Variants in BCL6 observed in about 807,000 individuals in gnomAD.
BCL6 encodes BCL6 transcription repressor, also known as B-cell lymphoma 6 protein.
Under a neutral mutation model 59.5 loss-of-function variants are expected in BCL6, and 7 were observed. The ratio of observed to expected loss-of-function variants is 0.12; its 90% CI spans 0.07 to 0.22. The LOEUF is 0.22. Ranked by LOEUF, BCL6 falls within the 10% of genes least tolerant of loss-of-function variation. BCL6 has a pLI of 1.00. For synonymous variants in BCL6, 339 were observed against 349.7 expected (o/e 0.97, Z 0.34); for missense variants, 685 against 939.4 (o/e 0.73, Z 3.54).
intron 5 of BCL6, 135 bp from the exon 6 acceptor site, chr3:187,728,679 C>G (rs1579810173): frequency 1.1e-6 from 1 of 873,796 alleles, no homozygotes; most frequent in East Asian, 2.8e-5. Context: ...GAGTTGTCCT[C>G]AAGTTTATCT....
At chr3:187,737,488 G>A in intron 1 of BCL6, 1 of 152,458 alleles carries the variant, frequency 6.6e-6, no homozygotes. Flanking sequence ...CCCTGGGCTG[G>A]CACCAGAAAG....
chr3:187,744,966 C>G (rs1158137869), intron 1 of BCL6, among the ~76,000 whole-genome samples: 3 of 152,162 alleles, frequency 2.0e-5, no homozygotes, highest in South Asian at 4.2e-4. Context: ...CCCAGACTAG[C>G]CCGAATCACC....
At chr3:187,730,790 T>C (rs1222516203) in intron 4 of BCL6, among the ~76,000 whole-genome samples, 2 of 152,184 alleles carry the variant, frequency 1.3e-5, no homozygotes, top group African/African-American at 4.8e-5. Context: ...TGAAGGAACA[T>C]CATGTGGGTG....
intron 1 of BCL6, among the ~76,000 whole-genome samples, chr3:187,742,832 C>A (rs979072006): frequency 9.9e-5 from 15 of 152,084 alleles, no homozygotes; most frequent in African/African-American, 3.6e-4. Flanking sequence ...TATTTTAAAG[C>A]AAGAATGTGA....
At position 187,722,414 on chromosome 3, in the gene BCL6, A is replaced by G. The variant is rs751275667; in HGVS notation, c.*44T>C. 1 of 1,559,224 alleles carries G rather than the reference A, an allele frequency of 6.4e-7. No individual in the cohort carries two copies. The highest frequency in any genetic ancestry group is 8.7e-7 in the Non-Finnish European group (1 of 1,148,354). On this transcript the variant is annotated 3_prime_UTR_variant, in exon 10 of 10. Coordinates refer to ENST00000406870, the MANE Select transcript of BCL6 (RefSeq NM_001706.5). ...AAGTGTTACAGTATCCTTTGGGTAG[A>G]TTCTGAGAAGGGGCTGGAGACGAAA...
At position 187,725,383 on chromosome 3, in the gene BCL6, C is replaced by T; in HGVS notation, c.1839+116G>A. On this transcript the variant is annotated intron_variant, in intron 8 of 9. Transcript: ENST00000406870. This position sits in a 1 kb window ranked among gnomAD's most constrained non-coding sequence, Gnocchi z 4.7. ...TGCCCGCTCTGCTCACCTGCCCGCT[C>T]CGCTTGCCTGCCCGCTCCACTTGCC... is the stretch of plus-strand genomic sequence containing the variant. 1.9e-6 allele frequency: 3 copies of T among 1,544,790 alleles called. No individual in the cohort carries two copies. The South Asian group carries it at 3.7e-5, about 19-fold the overall frequency.
chr3:187,740,073 G>C (rs1480889056), intron 1 of BCL6, among the ~76,000 whole-genome samples: 2 of 152,194 alleles, frequency 1.3e-5, no homozygotes, highest in Admixed American at 1.3e-4. Flanking sequence ...GGGGGCGACG[G>C]CGCTGTCTCC....
intron 1 of BCL6, among the ~76,000 whole-genome samples, chr3:187,739,289 G>T (rs1422316195): frequency 6.6e-6 from 1 of 152,252 alleles, no homozygotes; most frequent in African/African-American, 2.4e-5. Context: ...CGCATCAGGG[G>T]CCCTGCCGTG....
chr3:187,722,338 G>C lies in BCL6; in HGVS notation c.*120C>G. On this transcript the variant is annotated 3_prime_UTR_variant, in exon 10 of 10. Transcript: ENST00000406870. ...CCCACCACCCCCAACCCCCAGCTAT[G>C]ATTTGCACTAGTGGATGAAAGAGGC... 2.9e-6 allele frequency: 1 copy of C among 348,330 alleles called. No individual in the cohort carries two copies. Among genetic ancestry groups the C allele is most frequent in the Non-Finnish European group, 4.0e-6 (1 of 251,450 alleles). 21.6% of individuals were successfully genotyped at this position (348,330 alleles called of 1,614,324 possible).
In BCL6 at chr3:187,731,811, C is replaced by A; in HGVS notation, c.281G>T (p.Arg94Leu). 3.7e-6 allele frequency: 6 copies of A among 1,614,080 alleles called. No individual in the cohort carries two copies. The highest frequency in any genetic ancestry group is 5.1e-6 in the Non-Finnish European group (6 of 1,180,028). ...GATGTTGCCCTCCCGCAAATTGAGC[C>A]GAGATGTGTACATGAAGTCCAGGAG... is the stretch of plus-strand genomic sequence containing the variant. Reference protein sequence around the residue: ...CILLDFMYTSRLNLREGNIMA... With the variant: ...CILLDFMYTSLLNLREGNIMA... The change falls in exon 4 of 10, where the codon CGG becomes CTG. Residue 94 changes from arginine to leucine, a missense_variant. Physicochemically the swap from Arg to Leu is moderately radical, Grantham distance 102 (BLOSUM62 -2). Around this residue, in one of 7 missense-constraint regions of BCL6, gnomAD observed 102 missense variants for 176.6 expected, o/e 0.58. Transcript: ENST00000406870.
chr3:187,722,965 C>T (rs1385348552), intron 9 of BCL6, among the ~76,000 whole-genome samples: 2 of 152,192 alleles, frequency 1.3e-5, no homozygotes, highest in Non-Finnish European at 2.9e-5. Flanking sequence ...TTCCTTTGAG[C>T]CTCTGTAAGA....
rs1296189095 is a variant in BCL6 at position 187,729,466 on chromosome 3, G to C, written c.939C>G (p.Ala313=). Residue 313 remains alanine (A), a synonymous_variant, in exon 5 of 10, where the codon GCC becomes GCG. Coordinates refer to ENST00000406870, the MANE Select transcript of BCL6 (RefSeq NM_001706.5). The surrounding 1 kb of genome is among the most constrained non-coding windows in gnomAD (Gnocchi z 5.6). The part of the protein sequence containing the change: ...EERPSSEDEI[A]LHFEPPNAPL... ...GTGCATTGGGGGGCTCGAAATGCAG[G>C]GCAATCTCATCTTCCGAGGAGGGTC... 6.2e-7 allele frequency: 1 copy of C among 1,611,080 alleles called. No individual in the cohort carries two copies.
At chr3:187,744,991 T>G (rs1212899047) in intron 1 of BCL6, among the ~76,000 whole-genome samples, 1 of 151,436 alleles carries the variant, frequency 6.6e-6, no homozygotes, top group East Asian at 1.9e-4. Context: ...AAGCACTGTC[T>G]CGTCCTCTCT....
chr3:187,745,209 C>T (rs147187614), intron 1 of BCL6, among the ~76,000 whole-genome samples: 29 of 151,720 alleles, frequency 1.9e-4, no homozygotes, highest in South Asian at 8.3e-4. Context: ...CACCTGACAG[C>T]TAGAATAAAT....
At position 187,726,906 on chromosome 3, in the gene BCL6, A is replaced by G; in HGVS notation, c.1541-8T>C. 6.2e-7 allele frequency: 1 copy of G among 1,613,870 alleles called. No homozygotes were observed. Among genetic ancestry groups the G allele is most frequent in the Non-Finnish European group, 8.5e-7 (1 of 1,179,882 alleles). ...AGAAGAAGGCCCCGTTCTCTGTTGG[A>G]GGGTGGTAGGGGGACACCAAAGTCA... On this transcript the variant is annotated splice_polypyrimidine_tract_variant and splice_region_variant and intron_variant, in intron 6 of 9. Transcript: ENST00000406870.
chr3:187,735,732 C>T (rs950361043), intron 1 of BCL6, among the ~76,000 whole-genome samples: 4 of 152,198 alleles, frequency 2.6e-5, no homozygotes, highest in East Asian at 1.9e-4. Flanking sequence ...CCTTCCAAAC[C>T]GGCTTCTCTA....
intron 1 of BCL6, among the ~76,000 whole-genome samples, chr3:187,738,273 G>A (rs1258456834): frequency 1.3e-5 from 2 of 152,104 alleles, no homozygotes; most frequent in Non-Finnish European, 2.9e-5. Flanking sequence ...CGTTCTTTTA[G>A]GGGAATGTTT....
chr3:187,725,761 G>C lies in BCL6; in HGVS notation c.1709-132C>G. ...TGTGTTTTCCTTTCCCTTAGGGAAT[G>C]TGAGAGAGAGAATCCAGGGGCCTGC... On this transcript the variant is annotated intron_variant, in intron 7 of 9. Coordinates refer to ENST00000406870, the MANE Select transcript of BCL6 (RefSeq NM_001706.5). This position sits in a 1 kb window ranked among gnomAD's most constrained non-coding sequence, Gnocchi z 4.7. The C allele has an allele frequency of 8.7e-7, 1 of 1,153,456 alleles. No homozygotes were observed. The highest frequency in any genetic ancestry group is 1.2e-6 in the Non-Finnish European group (1 of 828,696). 71.5% of individuals were successfully genotyped at this position (1,153,456 alleles called of 1,614,324 possible).
In BCL6 at chr3:187,740,789, G is replaced by A. The variant is rs1711560118; in HGVS notation, c.-50+4621C>T. 1.3e-5 allele frequency among the ~76,000 whole-genome samples: 2 copies of A among 152,232 alleles called. 1 individual carries two copies. The highest frequency in any genetic ancestry group is 4.1e-4 in the South Asian group (2 of 4,836). ...GAGGGGCCACAGGGACAGGAAGATG[G>A]TGTGTTCGAAGCGGGTTATTTGTGG... On this transcript the variant is annotated intron_variant, in intron 1 of 9. Transcript: ENST00000406870.
Sources: allele counts gnomAD v4.1 joint callset (sites outside exome capture counted in the v4.1 genomes callset), GRCh38; gene constraint gnomAD v4.1.1; regional missense constraint gnomAD v4.1.1; non-coding constraint Gnocchi (gnomAD v3.1); transcripts MANE v1.5; gene names NCBI Gene and HGNC (gene_info 2026-07-23, HGNC 2026-07-21).